The following PCDHGB1 variants were observed in gnomAD, a reference collection of about 807,000 sequenced individuals.
PCDHGB1 encodes the protein protocadherin gamma-B1.
Under a neutral mutation model 56.6 loss-of-function variants are expected in PCDHGB1, and 34 were observed. That is an observed-to-expected ratio of 0.60 (90% confidence interval 0.46 to 0.80). PCDHGB1 has a LOEUF of 0.80. Among genes scored for constraint, PCDHGB1 ranks in the 30% least tolerant of loss-of-function variants. The probability of loss-of-function intolerance (pLI) is 0.00; values close to 1 mark genes in which losing one functional copy is unlikely to be tolerated. For missense variants in PCDHGB1, 1,278 were observed against 1,204.6 expected (o/e 1.06, Z -0.90); for synonymous variants, 561 against 505.9 (o/e 1.11, Z -1.46).
chr5:141,367,098 G>A, intron 1 of PCDHGB1: 1 of 248,510 alleles, frequency 4.0e-6, no homozygotes. Flanking sequence ...TCTTTTGAGT[G>A]TCTGCCTAGA....
chr5:141,478,801 T>G (rs2099477985), intron 1 of PCDHGB1: 1 of 1,463,438 alleles, frequency 6.8e-7, no homozygotes, highest in African/African-American at 1.4e-5. Flanking sequence ...TCAGCACTCT[T>G]TTGCTATCAC....
intron 1 of PCDHGB1, chr5:141,478,305 C>A (rs775282798): frequency 1.2e-6 from 2 of 1,613,974 alleles, no homozygotes; most frequent in Non-Finnish European, 8.5e-7. Flanking sequence ...TACCGAGCCC[C>A]GGTGAGCTCA....
At chr5:141,361,570 C>A in intron 1 of PCDHGB1, 1 of 1,614,036 alleles carries the variant, frequency 6.2e-7, no homozygotes. Context: ...TGCCTCTGAC[C>A]CTGACTTGGG....
chr5:141,428,177 G>A lies in PCDHGB1; in HGVS notation c.2410-66630G>A, dbSNP rs754811645. The A allele has an allele frequency of 1.4e-5, 21 of 1,510,058 alleles. 1 individual carries two copies. The South Asian group carries it at 1.7e-4, about 12-fold the overall frequency. The allele number at this position is 1,510,058 out of a possible 1,614,324, so 93.5% of individuals were successfully genotyped here. ...CCTGCTGGTTGCTGTGCGTGACGGA[G>A]GACAGCCGCCGCTCTCTGCGCCGCT... On this transcript the variant is annotated intron_variant, in intron 1 of 3. Coordinates refer to ENST00000523390, the MANE Select transcript of PCDHGB1 (RefSeq NM_018922.3).
At chr5:141,376,216 G>A (rs1036569498) in intron 1 of PCDHGB1, 23 of 1,614,106 alleles carry the variant, frequency 1.4e-5, no homozygotes, top group Non-Finnish European at 1.9e-5. Flanking sequence ...TCATCGTGCT[G>A]CTGGCGCTCA....
At chr5:141,366,651 A>G (rs767855798) in intron 1 of PCDHGB1, 5 of 1,614,244 alleles carry the variant, frequency 3.1e-6, no homozygotes, top group East Asian at 2.2e-5. Flanking sequence ...CCCCAGCCCA[A>G]CTACGCAGAC....
chr5:141,379,251 C>T (rs569528172), intron 1 of PCDHGB1: 1 of 152,224 alleles, frequency 6.6e-6, no homozygotes, highest in African/African-American at 2.4e-5. Flanking sequence ...GTGGTATTTA[C>T]ATTTAAGGAA....
chr5:141,491,869 G>C lies in PCDHGB1; in HGVS notation c.2410-2938G>C. On this transcript the variant is annotated intron_variant, in intron 1 of 3. Transcript: ENST00000523390. This position sits in a 1 kb window ranked among gnomAD's most constrained non-coding sequence, Gnocchi z 6.9. ...GGACCGTTTGCGCGAAACCAGAGTG[G>C]CCGATTAAGGGATGGGGCTCCGAGC... The C allele has an allele frequency of 6.9e-7, 1 of 1,453,094 alleles. No homozygotes were observed. Among genetic ancestry groups the C allele is most frequent in the South Asian group, 1.5e-5 (1 of 68,080 alleles). 90.0% of individuals were successfully genotyped at this position (1,453,094 alleles called of 1,614,324 possible).
At chr5:141,421,613 A>G in intron 1 of PCDHGB1, 2 of 1,613,838 alleles carry the variant, frequency 1.2e-6, no homozygotes, top group South Asian at 2.2e-5. Flanking sequence ...GATATTAATG[A>G]TAACGCCCCC....
rs367744321 is a variant in PCDHGB1, at chr5:141,489,394, C to G, written c.2410-5413C>G. The G allele has an allele frequency of 3.7e-6, 6 of 1,614,008 alleles. No individual in the cohort carries two copies. In the African/African-American group the frequency reaches 6.7e-5, roughly 18 times the overall value. On this transcript the variant is annotated intron_variant, in intron 1 of 3. Transcript: ENST00000523390. The surrounding 1 kb of genome is among the most constrained non-coding windows in gnomAD (Gnocchi z 4.5). ...GCTGGTGGGGAATGTTGCTCAGGATCTGGGCTTAAAGATGACAGATCTGTT... is the reference window on the plus strand; with the variant it reads ...GCTGGTGGGGAATGTTGCTCAGGATGTGGGCTTAAAGATGACAGATCTGTT...
At chr5:141,430,559 G>C in intron 1 of PCDHGB1, 1 of 418,772 alleles carries the variant, frequency 2.4e-6, no homozygotes. Flanking sequence ...CACCAATCGG[G>C]GAGAGAAAAG....
chr5:141,381,832 T>TCTTC (rs1561589349), intron 1 of PCDHGB1, among the ~76,000 whole-genome samples: 34 of 135,172 alleles, frequency 2.5e-4, no homozygotes, highest in African/African-American at 1.0e-3. Context: ...TCTTCTTTTT[T>TCTTC]TTTTTTTTTT....
intron 1 of PCDHGB1, chr5:141,418,959 C>A: frequency 6.2e-7 from 1 of 1,613,976 alleles, no homozygotes; most frequent in East Asian, 2.2e-5. Flanking sequence ...GTGGTTGTTG[C>A]CCTCTTCAAA....
At chr5:141,450,829 ATT>A (rs373424450) in intron 1 of PCDHGB1, among the ~76,000 whole-genome samples, 3 of 135,116 alleles carry the variant, frequency 2.2e-5, no homozygotes, top group African/African-American at 2.7e-5. Flanking sequence ...TATTATTATT[ATT>A]TTTTTTTTTT....
chr5:141,428,251 T>G, intron 1 of PCDHGB1: 2 of 893,496 alleles, frequency 2.2e-6, no homozygotes, highest in Non-Finnish European at 3.6e-6. Context: ...ACTGCCAGAC[T>G]TCAGTGACAG....
chr5:141,433,374 T>A (rs948922353), intron 1 of PCDHGB1, among the ~76,000 whole-genome samples: 36 of 150,958 alleles, frequency 2.4e-4, no homozygotes, highest in African/African-American at 8.6e-4. Flanking sequence ...TATCTATCTA[T>A]CTATCTATCT....
At chr5:141,374,087 G>C (rs1358918796) in intron 1 of PCDHGB1, 3 of 1,529,296 alleles carry the variant, frequency 2.0e-6, no homozygotes, top group Non-Finnish European at 2.6e-6. Context: ...GCCAGTAATG[G>C]CGCCTCCGCA....
At chr5:141,393,377 AGC>A (rs1313389663) in intron 1 of PCDHGB1, 1 of 1,613,966 alleles carries the variant, frequency 6.2e-7, no homozygotes, top group Admixed American at 1.7e-5. Context: ...GAGACAATGG[AGC>A]CATAAACCCA....
chr5:141,464,655 G>T (rs1326749316), intron 1 of PCDHGB1, among the ~76,000 whole-genome samples: 1 of 152,070 alleles, frequency 6.6e-6, no homozygotes. Flanking sequence ...TGGGTAAAAA[G>T]ATATCTCCAA....
Sources: allele counts gnomAD v4.1 joint callset (sites outside exome capture counted in the v4.1 genomes callset), GRCh38; gene constraint gnomAD v4.1.1; non-coding constraint Gnocchi (gnomAD v3.1); transcripts MANE v1.5; gene names NCBI Gene and HGNC (gene_info 2026-07-23, HGNC 2026-07-21).